The following SLC9A9 variants were observed in gnomAD, a reference collection of about 807,000 sequenced individuals.
The protein encoded by SLC9A9 is solute carrier family 9 member A9.
A neutral mutation model predicts 77.8 loss-of-function variants in SLC9A9; 62 were observed. That is an observed-to-expected ratio of 0.80 (90% CI 0.65 to 0.98). The LOEUF (loss-of-function observed/expected upper bound fraction) is 0.98. Among genes scored for constraint, SLC9A9 ranks in the 50% least tolerant of loss-of-function variants. The pLI is 0.00. For synonymous variants in SLC9A9, 320 were observed against 283.5 expected (o/e 1.13, Z -1.29); for missense variants, 775 against 774.9 (o/e 1.00, Z 0.00).
intron 11 of SLC9A9, among the ~76,000 whole-genome samples, chr3:143,492,156 G>A (rs1270543796): frequency 6.6e-6 from 1 of 152,030 alleles, no homozygotes; most frequent in Non-Finnish European, 1.5e-5. Context: ...GCCGGGCGTG[G>A]TGGCAGGCGC....
chr3:143,838,843 G>A (rs945829108), intron 1 of SLC9A9, among the ~76,000 whole-genome samples: 10 of 152,164 alleles, frequency 6.6e-5, no homozygotes, highest in African/African-American at 2.4e-4. Flanking sequence ...AACCAAATCA[G>A]TGAATAACAT....
At chr3:143,336,874 A>C (rs1393811730) in intron 14 of SLC9A9, among the ~76,000 whole-genome samples, 2 of 152,154 alleles carry the variant, frequency 1.3e-5, no homozygotes, top group Non-Finnish European at 2.9e-5. Flanking sequence ...CGAAGGTGGT[A>C]ATTTTTACGT....
chr3:143,685,152 A>C (rs1419292534), intron 5 of SLC9A9, among the ~76,000 whole-genome samples: 1 of 152,118 alleles, frequency 6.6e-6, no homozygotes, highest in African/African-American at 2.4e-5. Context: ...AAACAAGTAA[A>C]ATTAATTTTA....
At chr3:143,448,442 C>A (rs1174788691) in intron 12 of SLC9A9, among the ~76,000 whole-genome samples, 2 of 152,090 alleles carry the variant, frequency 1.3e-5, no homozygotes, top group Non-Finnish European at 2.9e-5. Context: ...AAAGGAACAT[C>A]TTCCTGCAGA....
At chr3:143,804,005 C>T (rs1372088797) in intron 2 of SLC9A9, among the ~76,000 whole-genome samples, 1 of 152,150 alleles carries the variant, frequency 6.6e-6, no homozygotes, top group Non-Finnish European at 1.5e-5. Context: ...AACTCTACTC[C>T]CCCCTTATGT....
intron 11 of SLC9A9, among the ~76,000 whole-genome samples, chr3:143,477,648 A>G (rs1160972803): frequency 1.3e-5 from 2 of 152,162 alleles, no homozygotes; most frequent in African/African-American, 4.8e-5. Flanking sequence ...CCAGAAAGCA[A>G]TGGCTACTGT....
chr3:143,384,484 T>C (rs960734044), intron 12 of SLC9A9, among the ~76,000 whole-genome samples: 2 of 152,198 alleles, frequency 1.3e-5, no homozygotes, highest in African/African-American at 4.8e-5. Flanking sequence ...GGTCTCTGTC[T>C]AGAAACCTGG....
chr3:143,806,309 A>C (rs2008712310), intron 2 of SLC9A9, among the ~76,000 whole-genome samples: 1 of 151,630 alleles, frequency 6.6e-6, no homozygotes, highest in African/African-American at 2.4e-5. Context: ...CAAACCGGCC[A>C]CTCTCTGTTC....
chr3:143,669,938 C>G (rs1295794193), intron 5 of SLC9A9, among the ~76,000 whole-genome samples: 1 of 152,120 alleles, frequency 6.6e-6, no homozygotes, highest in Non-Finnish European at 1.5e-5. Context: ...GCCATCAAAA[C>G]TATTAGTGGG....
intron 14 of SLC9A9, among the ~76,000 whole-genome samples, chr3:143,278,731 T>C (rs1938126192): frequency 6.6e-6 from 1 of 152,236 alleles, no homozygotes; most frequent in African/African-American, 2.4e-5. Flanking sequence ...TGAACCTATT[T>C]GCAAATAAGG....
At chr3:143,763,382 T>C (rs1224675026) in intron 4 of SLC9A9, among the ~76,000 whole-genome samples, 1 of 152,176 alleles carries the variant, frequency 6.6e-6, no homozygotes, top group African/African-American at 2.4e-5. Flanking sequence ...AAAGGAATTT[T>C]GAGTTGACAG....
chr3:143,444,015 C>A (rs1035620611), intron 12 of SLC9A9, among the ~76,000 whole-genome samples: 3 of 152,096 alleles, frequency 2.0e-5, no homozygotes, highest in African/African-American at 7.2e-5. Context: ...CTTAACATCC[C>A]TTCACTCCCC....
chr3:143,414,337 T>C (rs112535922), intron 12 of SLC9A9, among the ~76,000 whole-genome samples: 2 of 152,254 alleles, frequency 1.3e-5, no homozygotes, highest in African/African-American at 4.8e-5. Context: ...TCTGTATGTA[T>C]GTGTGTACAA....
At chr3:143,602,326 G>A (rs2037858381) in intron 6 of SLC9A9, among the ~76,000 whole-genome samples, 1 of 152,140 alleles carries the variant, frequency 6.6e-6, no homozygotes, top group African/African-American at 2.4e-5. Flanking sequence ...TTCTGGCTCA[G>A]GCCCAAGAAC....
At chr3:143,792,275 AT>A (rs796092471) in intron 4 of SLC9A9, among the ~76,000 whole-genome samples, 26 of 152,348 alleles carry the variant, frequency 1.7e-4, no homozygotes, top group African/African-American at 5.8e-4. Flanking sequence ...TGTATCTCAT[AT>A]AATGGAAGTT....
intron 14 of SLC9A9, among the ~76,000 whole-genome samples, chr3:143,338,626 T>A (rs1442448776): frequency 2.6e-5 from 4 of 152,182 alleles, no homozygotes; most frequent in African/African-American, 4.8e-5. Context: ...TACAGGTGCT[T>A]GTTTTCACCA....
At chr3:143,607,090 A>G (rs1267606688) in intron 6 of SLC9A9, among the ~76,000 whole-genome samples, 27 of 152,236 alleles carry the variant, frequency 1.8e-4, no homozygotes, top group African/African-American at 6.5e-4. Context: ...CAAAAACAAA[A>G]TAAATACAAA....
rs556535929 is a variant in SLC9A9, at chr3:143,825,310, G to A, written c.378+6709C>T. The stretch of plus-strand genomic sequence containing the variant: ...CTGGCCTTATTGAAGCTCAAGTAAA[G>A]GAAAAGACTAGAAATGCAAATGTAG... On this transcript the variant is annotated intron_variant, in intron 2 of 15. Coordinates refer to ENST00000316549, the MANE Select transcript of SLC9A9 (RefSeq NM_173653.4). Among the ~76,000 whole-genome samples, 5 of 151,580 alleles carry A rather than the reference G, an allele frequency of 3.3e-5. No homozygotes were observed. The South Asian group carries it at 1.0e-3, about 32-fold the overall frequency.
chr3:143,411,697 A>G (rs2034098919), intron 12 of SLC9A9, among the ~76,000 whole-genome samples: 1 of 152,198 alleles, frequency 6.6e-6, no homozygotes, highest in South Asian at 2.1e-4. Context: ...TAGTTCTACT[A>G]TAAATAACGC....
Sources: allele counts gnomAD v4.1 joint callset (sites outside exome capture counted in the v4.1 genomes callset), GRCh38; gene constraint gnomAD v4.1.1; transcripts MANE v1.5; gene names NCBI Gene and HGNC (gene_info 2026-07-23, HGNC 2026-07-21).